The following LAMA2 variants were observed in gnomAD, a reference collection of about 807,000 sequenced individuals.
LAMA2 encodes laminin subunit alpha-2.
A neutral mutation model predicts 364.8 loss-of-function variants in LAMA2; 269 were observed. The ratio of observed to expected loss-of-function variants is 0.74; its 90% CI spans 0.67 to 0.82. The LOEUF is 0.82. Ranked by LOEUF, LAMA2 falls within the 40% of genes least tolerant of loss-of-function variation. LAMA2 has a pLI of 0.00. For synonymous variants in LAMA2, 1,379 were observed against 1,370.6 expected, an observed-to-expected ratio of 1.01 and a Z score of -0.14; for missense variants, 3,807 against 3,873.2, an observed-to-expected ratio of 0.98 and a Z score of 0.45.
intron 5 of LAMA2, among the ~76,000 whole-genome samples, chr6:129,145,155 C>G (rs77362769): frequency 0.012 from 1,762 of 152,060 alleles, 34 homozygotes; most frequent in African/African-American, 0.04. Context: ...AATGATCCCA[C>G]TAAGGTAAGA....
chr6:129,464,459 A>G lies in LAMA2; in HGVS notation c.7155+7A>G. On this transcript the variant is annotated splice_region_variant and intron_variant, in intron 50 of 64. Transcript: ENST00000421865. Reference sequence around the variant, plus strand: ...TCTTGCCACACGAGACCTGGTAAAGATCATATGCATAGCAGAGTTTCCGTG... The same window carrying G: ...TCTTGCCACACGAGACCTGGTAAAGGTCATATGCATAGCAGAGTTTCCGTG... 1 of 1,608,816 alleles carries G rather than the reference A, an allele frequency of 6.2e-7. No homozygotes were observed. Among genetic ancestry groups the G allele is most frequent in the Non-Finnish European group, 8.5e-7 (1 of 1,175,604 alleles).
intron 3 of LAMA2, among the ~76,000 whole-genome samples, chr6:129,088,914 C>T (rs1440110466): frequency 5.9e-5 from 9 of 152,270 alleles, no homozygotes; most frequent in African/African-American, 1.7e-4. Flanking sequence ...GACGGGGTGG[C>T]GGCCGGGCAG....
In LAMA2 at chr6:129,297,766, G is replaced by T. The variant is rs1419665369; in HGVS notation, c.2938G>T (p.Glu980Ter). Residue 980 changes from glutamate to a stop codon, truncating the protein, a stop_gained, in exon 21 of 65, where the codon GAA (glutamate) becomes TAA (stop). Transcript: ENST00000421865. LOFTEE classifies it high-confidence loss of function. ...NSFGSKSFDCEESGQCWCQPG... is the reference protein window; with the variant it reads ...NSFGSKSFDC ...TTTTGGGTCTAAGTCATTCGACTGT[G>T]AAGAGAGTGGACAATGTTGGTGCCA... The T allele has an allele frequency of 6.2e-7, 1 of 1,614,136 alleles. No individual in the cohort carries two copies. Among genetic ancestry groups the T allele is most frequent in the African/African-American group, 1.3e-5 (1 of 75,070 alleles).
intron 35 of LAMA2, among the ~76,000 whole-genome samples, chr6:129,389,903 G>A (rs1170438788): frequency 2.0e-5 from 3 of 152,134 alleles, no homozygotes; most frequent in Non-Finnish European, 4.4e-5. Flanking sequence ...GATGAGATTT[G>A]AGGTGGTCGG....
At chr6:129,344,809 G>C (rs901951777) in intron 30 of LAMA2, among the ~76,000 whole-genome samples, 5 of 152,182 alleles carry the variant, frequency 3.3e-5, no homozygotes, top group African/African-American at 9.7e-5. Context: ...TCACAAGGGA[G>C]ACCCAATGAA....
chr6:129,076,503 A>ATAT (rs1554212305), intron 3 of LAMA2, among the ~76,000 whole-genome samples: 1,790 of 130,390 alleles, frequency 0.014, 41 homozygotes, highest in Admixed American at 0.066. Context: ...ATATATAAAT[A>ATAT]TATATATATA....
intron 4 of LAMA2, among the ~76,000 whole-genome samples, chr6:129,129,751 C>T (rs1208409386): frequency 6.6e-6 from 1 of 151,444 alleles, no homozygotes; most frequent in Non-Finnish European, 1.5e-5. Context: ...GGTGAAACCC[C>T]GTCTCTACTA....
intron 19 of LAMA2, among the ~76,000 whole-genome samples, chr6:129,288,586 T>A (rs1247723335): frequency 6.6e-6 from 1 of 152,208 alleles, no homozygotes; most frequent in Non-Finnish European, 1.5e-5. Context: ...ATTAACCTCA[T>A]TTTAGTTTCA....
intron 40 of LAMA2, among the ~76,000 whole-genome samples, chr6:129,422,374 C>G (rs1449157708): frequency 6.6e-6 from 1 of 152,030 alleles, no homozygotes; most frequent in African/African-American, 2.4e-5. Flanking sequence ...AGGTCTGTAT[C>G]AGTACATAGC....
At chr6:129,233,910 G>C (rs1363497281) in intron 12 of LAMA2, among the ~76,000 whole-genome samples, 1 of 152,158 alleles carries the variant, frequency 6.6e-6, no homozygotes, top group Non-Finnish European at 1.5e-5. Flanking sequence ...GCAAAAAGAA[G>C]AACTGAAAGT....
intron 1 of LAMA2, among the ~76,000 whole-genome samples, chr6:128,923,425 A>T (rs1778875236): frequency 6.8e-6 from 1 of 147,684 alleles, no homozygotes; most frequent in African/African-American, 2.4e-5. Flanking sequence ...GGTCCTTCAC[A>T]TCCCTTGTAA....
intron 8 of LAMA2, among the ~76,000 whole-genome samples, chr6:129,155,498 A>G (rs1440152391): frequency 6.6e-6 from 1 of 152,096 alleles, no homozygotes; most frequent in Non-Finnish European, 1.5e-5. Context: ...CCATTCCTGT[A>G]TCTTCTCTTA....
At chr6:129,341,359 A>G (rs552903673) in intron 29 of LAMA2, among the ~76,000 whole-genome samples, 29 of 152,192 alleles carry the variant, frequency 1.9e-4, no homozygotes, top group Non-Finnish European at 3.2e-4. Flanking sequence ...TTTTCTTTCG[A>G]TATTGTTTAT....
chr6:129,045,171 C>T (rs754131709), intron 1 of LAMA2, among the ~76,000 whole-genome samples: 5 of 152,048 alleles, frequency 3.3e-5, no homozygotes, highest in Non-Finnish European at 7.4e-5. Flanking sequence ...TATTCCCTGA[C>T]CATAAAACAA....
At chr6:129,401,461 CA>C (rs1358069595) in intron 38 of LAMA2, 121 bp downstream of exon 38, 1 of 742,364 alleles carries the variant, frequency 1.3e-6, no homozygotes, top group Non-Finnish European at 2.4e-6. Context: ...ATTATTTTTG[CA>C]TTATTCTACT....
chr6:129,100,800 G>A (rs780362607), intron 4 of LAMA2, among the ~76,000 whole-genome samples: 15 of 152,300 alleles, frequency 9.8e-5, no homozygotes, highest in Non-Finnish European at 1.9e-4. Context: ...CCAGTTATTT[G>A]TGGGACCTTG....
intron 12 of LAMA2, among the ~76,000 whole-genome samples, chr6:129,212,052 G>A (rs1020716202): frequency 6.6e-6 from 1 of 152,166 alleles, no homozygotes; most frequent in African/African-American, 2.4e-5. Context: ...CTTACAAAAA[G>A]TGTTGGATTT....
chr6:128,941,253 A>G (rs190822200), intron 1 of LAMA2, among the ~76,000 whole-genome samples: 2 of 152,244 alleles, frequency 1.3e-5, no homozygotes, highest in African/African-American at 2.4e-5. Flanking sequence ...TTCAACAAAC[A>G]CTGACTGATT....
At chr6:129,236,509 T>A (rs1784991068) in intron 12 of LAMA2, among the ~76,000 whole-genome samples, 1 of 152,172 alleles carries the variant, frequency 6.6e-6, no homozygotes, top group Non-Finnish European at 1.5e-5. Context: ...TTTGTTATGT[T>A]TCATTTTGCA....
Sources: allele counts gnomAD v4.1 joint callset (sites outside exome capture counted in the v4.1 genomes callset), GRCh38; gene constraint gnomAD v4.1.1; transcripts MANE v1.5; gene names NCBI Gene and HGNC (gene_info 2026-07-23, HGNC 2026-07-21).